The following IL16 variants were observed in gnomAD, a reference collection of about 807,000 sequenced individuals.
The protein encoded by IL16 is interleukin 16.
Under a neutral mutation model 110.1 loss-of-function variants are expected in IL16, and 67 were observed. The ratio of observed to expected loss-of-function variants is 0.61; its 90% CI spans 0.50 to 0.75. IL16 has a LOEUF of 0.75. Ranked by LOEUF, IL16 falls within the 30% of genes least tolerant of loss-of-function variation. IL16 has a pLI of 0.00. For missense variants in IL16, 1,545 were observed against 1,655.0 expected, an observed-to-expected ratio of 0.93 and a Z score of 1.15; for synonymous variants, 689 against 662.9, an observed-to-expected ratio of 1.04 and a Z score of -0.61.
Position 81,308,764 on chromosome 15 carries a change from A to G in IL16, c.3965A>G (p.Gln1322Arg). ...VTIVIRRKSL[Q>R]SKETTAAGDS is the part of the protein sequence containing the mutation. ...ATTGTCATCAGGAGAAAAAGCCTCC[A>G]GTCCAAGGAAACCACAGCTGCTGGA... Residue 1322 changes from glutamine to arginine, a missense_variant, in exon 19 of 19, where the codon CAG becomes CGG. Coordinates refer to ENST00000683961, the MANE Select transcript of IL16 (RefSeq NM_172217.5). 6.2e-7 allele frequency: 1 copy of G among 1,613,874 alleles called. No homozygotes were observed. The highest frequency in any genetic ancestry group is 1.1e-5 in the South Asian group (1 of 91,060).
At chr15:81,243,202 G>A (rs1595985821) in intron 2 of IL16, among the ~76,000 whole-genome samples, 1 of 65,958 alleles carries the variant, frequency 1.5e-5, no homozygotes, top group Middle Eastern at 0.022. Context: ...TTGAGGCAAG[G>A]TCTTGCTCTG....
At chr15:81,204,500 A>C (rs1895938198) in intron 1 of IL16, among the ~76,000 whole-genome samples, 1 of 152,004 alleles carries the variant, frequency 6.6e-6, no homozygotes, top group Admixed American at 6.5e-5. Flanking sequence ...ACGTCCCATC[A>C]ATACCTAATT....
intron 2 of IL16, among the ~76,000 whole-genome samples, chr15:81,245,044 TTTCA>T (rs1322826566): frequency 2.0e-5 from 3 of 152,220 alleles, no homozygotes; most frequent in Non-Finnish European, 4.4e-5. Flanking sequence ...AAACTTTCTT[TTTCA>T]TTGTTTTGAG....
chr15:81,197,018 C>T lies in IL16; in HGVS notation c.-236C>T, dbSNP rs888324723. The T allele has an allele frequency of 3.2e-5, 41 of 1,287,004 alleles. No individual in the cohort carries two copies. The highest frequency in any genetic ancestry group is 4.0e-5 in the Non-Finnish European group (40 of 988,074). 79.7% of individuals were successfully genotyped at this position (1,287,004 alleles called of 1,614,324 possible). On this transcript the variant is annotated 5_prime_UTR_variant, in exon 1 of 19. Coordinates refer to ENST00000683961, the MANE Select transcript of IL16 (RefSeq NM_172217.5). ...TGAGCGTCCATTTCTCAATCCTTGC[C>T]GGCTCTGACCCAGGCCTGGGCCACA...
chr15:81,232,042 G>GTTTTTTT, intron 2 of IL16, among the ~76,000 whole-genome samples: 9 of 57,698 alleles, frequency 1.6e-4, no homozygotes, highest in South Asian at 5.8e-4. Flanking sequence ...ATTTGTTCTT[G>GTTTTTTT]TTTTTTTTTT....
chr15:81,239,596 C>T (rs1897281081), intron 2 of IL16, among the ~76,000 whole-genome samples: 1 of 152,172 alleles, frequency 6.6e-6, no homozygotes, highest in African/African-American at 2.4e-5. Context: ...CTTGCCAGTG[C>T]CCCAGTGATA....
rs767679250 is a variant in IL16, at chr15:81,269,548, G to C, written c.575G>C (p.Arg192Thr). Residue 192 changes from arginine (R) to threonine (T), a missense_variant, in exon 5 of 19, where the codon AGA becomes ACA. Coordinates refer to ENST00000683961, the MANE Select transcript of IL16 (RefSeq NM_172217.5). ...GGTTCCTTGTTGCAGGGAACTTCGA[G>C]ACCAACACGGTCCCTGAGCACAGCT... ...CPAGKAAGTS[R>T]PTRSLSTAQL... 1.2e-6 allele frequency: 2 copies of C among 1,613,630 alleles called. No homozygotes were observed. Among genetic ancestry groups the C allele is most frequent in the African/African-American group, 1.3e-5 (1 of 74,932 alleles).
rs1037991045 is a variant in IL16, at chr15:81,306,308, G to A, written c.3680-112G>A. 6.5e-6 allele frequency: 10 copies of A among 1,529,814 alleles called. No individual in the cohort carries two copies. The African/African-American group carries it at 8.2e-5, about 13-fold the overall frequency. 94.8% of individuals were successfully genotyped at this position (1,529,814 alleles called of 1,614,324 possible). A position where few individuals can be genotyped will look rare whatever the true frequency, so the allele number is the denominator to read the frequency against. On this transcript the variant is annotated intron_variant, in intron 17 of 18. Transcript: ENST00000683961. The stretch of plus-strand genomic sequence containing the variant: ...TACACTGCCTGAGACGTGTTTACAT[G>A]TGCCTGTGTGCAAACACGGGGGCTG...
intron 2 of IL16, among the ~76,000 whole-genome samples, chr15:81,232,042 G>GTTTTTTTTTTTTTTTTT: frequency 2.6e-4 from 15 of 57,686 alleles, no homozygotes; most frequent in Non-Finnish European, 3.3e-4. Context: ...ATTTGTTCTT[G>GTTTTTTTTTTTTTTTTT]TTTTTTTTTT....
chr15:81,253,026 T>C (rs1183762824), intron 2 of IL16, among the ~76,000 whole-genome samples: 1 of 152,220 alleles, frequency 6.6e-6, no homozygotes, highest in Non-Finnish European at 1.5e-5. Context: ...GGTAACTCTA[T>C]ACTTAACTTT....
rs1900466376 is a variant in IL16 at position 81,304,734 on chromosome 15, A to C, written c.3420+1084A>C. The stretch of plus-strand genomic sequence containing the variant: ...TTGGCCTAAAAATCCTCTAGCATTG[A>C]GGAACCTGAGGCTCAGAGGAGAGGT... On this transcript the variant is annotated intron_variant, in intron 16 of 18. Transcript: ENST00000683961. 1.3e-5 allele frequency among the ~76,000 whole-genome samples: 2 copies of C among 152,234 alleles called. 1 individual carries two copies. Among genetic ancestry groups the C allele is most frequent in the South Asian group, 4.1e-4 (2 of 4,832 alleles).
At chr15:81,196,001 C>T (rs1895588017), upstream of IL16, among the ~76,000 whole-genome samples, 1 of 152,120 alleles carries the variant, frequency 6.6e-6, no homozygotes, top group Admixed American at 6.5e-5. Flanking sequence ...GGCTCTCGCA[C>T]CTGAGCACGC....
rs751259131 is a variant in IL16 at position 81,225,648 on chromosome 15, T to A, written c.249T>A (p.Ala83=). The change falls in exon 2 of 19, where the codon GCT becomes GCA. Residue 83 remains alanine, a synonymous_variant. Transcript: ENST00000683961. Reference sequence around the variant, plus strand: ...CTGATCTAGCACTGGCCTCGGAGGCTGCTCAACTCCAAGCAGCTGGGAATG... The same window carrying A: ...CTGATCTAGCACTGGCCTCGGAGGCAGCTCAACTCCAAGCAGCTGGGAATG... ...SVPDLALASE[A]AQLQAAGNDR... 12 of 1,613,968 alleles carry A rather than the reference T, an allele frequency of 7.4e-6. No individual in the cohort carries two copies. The South Asian group carries it at 1.3e-4, about 18-fold the overall frequency.
chr15:81,258,730 G>GCTCGCGCTCT (rs1898039359), intron 2 of IL16, among the ~76,000 whole-genome samples: 1 of 147,732 alleles, frequency 6.8e-6, no homozygotes, highest in Non-Finnish European at 1.5e-5. Flanking sequence ...TCGCGCACGC[G>GCTCGCGCTCT]CTCTCTCTCT....
In IL16 at chr15:81,299,909, A is replaced by G. The variant is rs1900183472; in HGVS notation, c.2583A>G (p.Arg861=). Residue 861 remains arginine (R), a synonymous_variant, in exon 14 of 19, where the codon AGA becomes AGG. Transcript: ENST00000683961. Reference sequence around the variant, plus strand: ...AACTGCCTGACAAAGGAGCCCAGAGACTGAGCCTCCAGCCCTCCTCTGGGG... The same window carrying G: ...AACTGCCTGACAAAGGAGCCCAGAGGCTGAGCCTCCAGCCCTCCTCTGGGG... ...SSQLPDKGAQ[R]LSLQPSSGEA... 1.2e-6 allele frequency: 2 copies of G among 1,613,548 alleles called. No homozygotes were observed. The highest frequency in any genetic ancestry group is 1.7e-6 in the Non-Finnish European group (2 of 1,180,016).
rs1476881438 is a variant in IL16 at position 81,304,626 on chromosome 15, T to C, written c.3420+976T>C. 2.6e-5 allele frequency among the ~76,000 whole-genome samples: 4 copies of C among 152,232 alleles called. No homozygotes were observed. The East Asian group carries it at 5.8e-4, about 22-fold the overall frequency. Reference sequence around the variant, plus strand: ...TGTCTAAATTCATCCTACCCACACTTTGGATTGATAAATTGGTGGCATTTA... The same window carrying C: ...TGTCTAAATTCATCCTACCCACACTCTGGATTGATAAATTGGTGGCATTTA... On this transcript the variant is annotated intron_variant, in intron 16 of 18. Coordinates refer to ENST00000683961, the MANE Select transcript of IL16 (RefSeq NM_172217.5).
At chr15:81,188,291 G>A (rs1895446054) in intron 1 of IL16, 3 of 456,044 alleles carry the variant, frequency 6.6e-6, no homozygotes, top group South Asian at 4.6e-5. Flanking sequence ...TGGAGAGGGG[G>A]AGGGTATAGA....
chr15:81,261,779 A>C (rs193247028), intron 3 of IL16, among the ~76,000 whole-genome samples: 1 of 152,290 alleles, frequency 6.6e-6, no homozygotes, highest in African/African-American at 2.4e-5. Flanking sequence ...GGAAAAAAAA[A>C]GTACCTAGGC....
intron 1 of IL16, among the ~76,000 whole-genome samples, chr15:81,191,756 TC>T (rs1895500820): frequency 6.6e-6 from 1 of 152,138 alleles, no homozygotes. Flanking sequence ...AGTGGAACTT[TC>T]CTGTAAGAGA....
Sources: allele counts gnomAD v4.1 joint callset (sites outside exome capture counted in the v4.1 genomes callset), GRCh38; gene constraint gnomAD v4.1.1; transcripts MANE v1.5; gene names NCBI Gene and HGNC (gene_info 2026-07-23, HGNC 2026-07-21).